The following CYRIA variants were observed in gnomAD, a reference collection of about 807,000 sequenced individuals.
The protein encoded by CYRIA is CYFIP-related Rac1 interactor A.
A neutral mutation model predicts 43.9 loss-of-function variants in CYRIA; 15 were observed. That is an observed-to-expected ratio of 0.34 (90% confidence interval 0.23 to 0.53). CYRIA has a LOEUF of 0.53. Ranked by LOEUF, CYRIA falls within the 20% of genes least tolerant of loss-of-function variation. CYRIA has a pLI of 0.94. For synonymous variants in CYRIA, 117 were observed against 136.0 expected (o/e 0.86, Z 0.97); for missense variants, 236 against 394.2 (o/e 0.60, Z 3.40).
chr2:16,550,965 T>G lies in CYRIA; in HGVS notation c.*1971A>C, dbSNP rs1666287698. 1 of 152,190 alleles carries G rather than the reference T, an allele frequency of 6.6e-6. No homozygotes were observed. The highest frequency in any genetic ancestry group is 2.1e-4 in the South Asian group (1 of 4,834). The allele number at this position is 152,190 out of a possible 1,614,324, so 9.4% of individuals were successfully genotyped here. A position where few individuals can be genotyped will look rare whatever the true frequency, so the allele number is the denominator to read the frequency against. On this transcript the variant is annotated 3_prime_UTR_variant, in exon 12 of 12. Transcript: ENST00000381323. ...TTTCCTCACCTGGTATGATCACATA[T>G]TCTGGCTTCCTCTAAGGTTTAGAAT...
At chr2:16,593,766 T>G (rs1668017208) in intron 2 of CYRIA, among the ~76,000 whole-genome samples, 1 of 138,118 alleles carries the variant, frequency 7.2e-6, no homozygotes, top group Non-Finnish European at 1.5e-5. Flanking sequence ...AGGGTACATG[T>G]GCACATTGTG....
intron 2 of CYRIA, among the ~76,000 whole-genome samples, chr2:16,620,784 G>C (rs895226897): frequency 6.6e-6 from 1 of 152,152 alleles, no homozygotes; most frequent in Non-Finnish European, 1.5e-5. Flanking sequence ...CAGGAGGGAG[G>C]TGAAGGTGCA....
intron 1 of CYRIA, among the ~76,000 whole-genome samples, chr2:16,648,135 A>T (rs1338569660): frequency 1.3e-5 from 2 of 152,190 alleles, no homozygotes; most frequent in African/African-American, 4.8e-5. Context: ...TCACACAGCT[A>T]GTGAGTGGAG....
chr2:16,659,319 C>A (rs1286096108), intron 1 of CYRIA, among the ~76,000 whole-genome samples: 1 of 152,194 alleles, frequency 6.6e-6, no homozygotes, highest in Non-Finnish European at 1.5e-5. Context: ...AGCTATGCCA[C>A]TTTTCTAATG....
chr2:16,591,561 G>T (rs778398459), intron 2 of CYRIA, among the ~76,000 whole-genome samples: 1 of 152,142 alleles, frequency 6.6e-6, no homozygotes, highest in Non-Finnish European at 1.5e-5. Context: ...CAGAGCTGTG[G>T]TTACACAGCC....
At chr2:16,571,507 T>A (rs1398089360) in intron 3 of CYRIA, among the ~76,000 whole-genome samples, 2 of 152,250 alleles carry the variant, frequency 1.3e-5, no homozygotes, top group African/African-American at 4.8e-5. Flanking sequence ...GCCAAGGACT[T>A]ACACTGTCTT....
At chr2:16,591,367 T>C (rs192653467) in intron 2 of CYRIA, among the ~76,000 whole-genome samples, 135 of 152,246 alleles carry the variant, frequency 8.9e-4, no homozygotes, top group Admixed American at 2.6e-3. Context: ...CAAAGAAGTG[T>C]CCCCTTCAAT....
At position 16,641,706 on chromosome 2, in the gene CYRIA, C is replaced by G. The variant is rs1000609113; in HGVS notation, c.-166-17687G>C. ...AATGTTGCATAAGCACACAAGTGAG[C>G]GTGCCTGCAGGATGGCAGACAGAAA... On this transcript the variant is annotated intron_variant, in intron 1 of 11. Coordinates refer to ENST00000381323, the MANE Select transcript of CYRIA (RefSeq NM_030797.4). Among the ~76,000 whole-genome samples the G allele has an allele frequency of 7.2e-5, 11 of 152,292 alleles. No homozygotes were observed. The East Asian group carries it at 1.4e-3, about 19-fold the overall frequency.
At chr2:16,583,521 A>C (rs1217462479) in intron 3 of CYRIA, among the ~76,000 whole-genome samples, 1 of 152,178 alleles carries the variant, frequency 6.6e-6, no homozygotes, top group Non-Finnish European at 1.5e-5. Context: ...AAGAAGGTTC[A>C]CCAGATGTTT....
intron 1 of CYRIA, among the ~76,000 whole-genome samples, chr2:16,646,540 C>T (rs1353916746): frequency 6.6e-6 from 1 of 152,166 alleles, no homozygotes; most frequent in Non-Finnish European, 1.5e-5. Flanking sequence ...AGAGAAGCCA[C>T]GTGCAGTGTG....
At chr2:16,652,752 G>A (rs1463625188) in intron 1 of CYRIA, among the ~76,000 whole-genome samples, 1 of 152,100 alleles carries the variant, frequency 6.6e-6, no homozygotes, top group Non-Finnish European at 1.5e-5. Flanking sequence ...TCCCCAGCAG[G>A]GATCGGATGA....
In CYRIA at chr2:16,561,544, G is replaced by C. The variant is rs544166534; in HGVS notation, c.436-11C>G. On this transcript the variant is annotated splice_polypyrimidine_tract_variant and intron_variant, in intron 6 of 11. Coordinates refer to ENST00000381323, the MANE Select transcript of CYRIA (RefSeq NM_030797.4). ...AGCCGGGTTCCTCATCTGAAATTCA[G>C]AGGACAAGAGCGAAGGTCATCTCTC... 1.2e-6 allele frequency: 2 copies of C among 1,610,156 alleles called. No homozygotes were observed. The highest frequency in any genetic ancestry group is 1.3e-5 in the African/African-American group (1 of 74,936).
At chr2:16,660,141 G>T (rs1421746033) in intron 1 of CYRIA, among the ~76,000 whole-genome samples, 1 of 152,158 alleles carries the variant, frequency 6.6e-6, no homozygotes, top group Non-Finnish European at 1.5e-5. Flanking sequence ...CTCTTCACCT[G>T]TCACTAGAGG....
chr2:16,586,119 C>T (rs772550367), intron 3 of CYRIA, among the ~76,000 whole-genome samples: 11 of 152,002 alleles, frequency 7.2e-5, no homozygotes, highest in African/African-American at 2.2e-4. Context: ...CAGAAGCATA[C>T]GGAATTTAGG....
chr2:16,615,848 CT>C (rs2103498409), intron 2 of CYRIA, among the ~76,000 whole-genome samples: 1 of 152,368 alleles, frequency 6.6e-6, no homozygotes, highest in African/African-American at 2.4e-5. Context: ...ATACCAGCAG[CT>C]CTACCACTGG....
At chr2:16,664,301 C>T (rs1484285622) in intron 1 of CYRIA, among the ~76,000 whole-genome samples, 1 of 152,100 alleles carries the variant, frequency 6.6e-6, no homozygotes, top group Non-Finnish European at 1.5e-5. Flanking sequence ...GTTCTGCCAG[C>T]CCCCAGCCTG....
chr2:16,617,075 AG>A (rs1668822008), intron 2 of CYRIA, among the ~76,000 whole-genome samples: 1 of 152,232 alleles, frequency 6.6e-6, no homozygotes, highest in Non-Finnish European at 1.5e-5. Flanking sequence ...TCAAGTTTCT[AG>A]GCTCCTTGTA....
At chr2:16,575,773 G>A (rs768815051) in intron 3 of CYRIA, among the ~76,000 whole-genome samples, 8 of 151,900 alleles carry the variant, frequency 5.3e-5, no homozygotes, top group East Asian at 1.9e-4. Context: ...GGAGAATGGC[G>A]TGAACCCAGG....
At chr2:16,553,085 G>C in intron 11 of CYRIA, 86 bp from the exon 12 acceptor site, 4 of 842,554 alleles carry the variant, frequency 4.7e-6, no homozygotes, top group Non-Finnish European at 6.2e-6. Flanking sequence ...AAACACAATT[G>C]ATATTTGGGC....
Sources: gnomAD v4.1 joint callset for allele counts (sites outside exome capture counted in the v4.1 genomes callset) on GRCh38, gnomAD v4.1.1 for gene constraint, MANE v1.5 for transcripts, NCBI Gene and HGNC (gene_info 2026-07-23, HGNC 2026-07-21) for gene names.